KCNMA1: variants seen among roughly 807,000 people sequenced by gnomAD.
The protein encoded by KCNMA1 is potassium calcium-activated channel subfamily M alpha 1.
KCNMA1 carries 29 observed loss-of-function variants against 140.0 expected under a neutral mutation model. The observed-to-expected ratio is 0.21, with a 90% CI of 0.15 to 0.28. The LOEUF (loss-of-function observed/expected upper bound fraction) is 0.28. Ranked by LOEUF, KCNMA1 falls within the 10% of genes least tolerant of loss-of-function variation. KCNMA1 has a pLI of 1.00. For missense variants in KCNMA1, 880 were observed against 1,602.2 expected (o/e 0.55, Z 7.70); for synonymous variants, 612 against 611.9 (o/e 1.00, Z 0.00).
chr10:77,375,973 C>T (rs776946467), intron 2 of KCNMA1, among the ~76,000 whole-genome samples: 12 of 152,226 alleles, frequency 7.9e-5, no homozygotes, highest in Non-Finnish European at 1.6e-4. Flanking sequence ...CCAGCACACT[C>T]AACTTCGTGT....
At chr10:77,568,703 C>T (rs1428998118) in intron 1 of KCNMA1, among the ~76,000 whole-genome samples, 2 of 149,192 alleles carry the variant, frequency 1.3e-5, no homozygotes, top group Non-Finnish European at 3.0e-5. Context: ...CTCACCACTC[C>T]TATTCAACAT....
chr10:77,020,956 T>C (rs571955217), intron 16 of KCNMA1: 2 of 152,214 alleles, frequency 1.3e-5, no homozygotes, highest in South Asian at 4.2e-4. Context: ...CTTTAGAGAA[T>C]TAAGAGAGAT....
At chr10:76,973,538 A>G (rs1057448744) in intron 19 of KCNMA1, among the ~76,000 whole-genome samples, 3 of 152,194 alleles carry the variant, frequency 2.0e-5, no homozygotes, top group African/African-American at 7.2e-5. Flanking sequence ...ATACTTGACT[A>G]AAGAGGATTC....
intron 22 of KCNMA1, among the ~76,000 whole-genome samples, chr10:76,948,028 A>AG (rs2064845954): frequency 6.6e-6 from 1 of 152,044 alleles, no homozygotes; most frequent in Non-Finnish European, 1.5e-5. Context: ...TGTTTGAGGC[A>AG]GGCTCTTGTT....
chr10:77,000,383 G>C (rs1159806890), intron 19 of KCNMA1, among the ~76,000 whole-genome samples: 2 of 152,118 alleles, frequency 1.3e-5, no homozygotes, highest in Non-Finnish European at 2.9e-5. Context: ...TCTCAAACTG[G>C]AGCTTTCAGG....
intron 2 of KCNMA1, among the ~76,000 whole-genome samples, chr10:77,403,353 T>G (rs1433681185): frequency 6.6e-6 from 1 of 151,922 alleles, no homozygotes; most frequent in Non-Finnish European, 1.5e-5. Flanking sequence ...TCAGCATGAC[T>G]GATTTCTACC....
intron 2 of KCNMA1, among the ~76,000 whole-genome samples, chr10:77,332,240 A>AG (rs1430381381): frequency 6.6e-6 from 1 of 152,110 alleles, no homozygotes; most frequent in Non-Finnish European, 1.5e-5. Flanking sequence ...AGGGGATGAG[A>AG]GGGAAAAAAA....
rs2096785442 is a variant in KCNMA1, at chr10:77,090,388, G to C, written c.1334+12C>G. 1.9e-6 allele frequency: 3 copies of C among 1,557,160 alleles called. No homozygotes were observed. The highest frequency in any genetic ancestry group is 2.7e-5 in the African/African-American group (2 of 73,726). On this transcript the variant is annotated intron_variant, in intron 10 of 27. Transcript: ENST00000286628. Reference sequence around the variant, plus strand: ...TTGGGCAGAGGGTCTGACAGCAGTAGGAAGCTCTTACTTGTGAAGAAAAAC... The same window carrying C: ...TTGGGCAGAGGGTCTGACAGCAGTACGAAGCTCTTACTTGTGAAGAAAAAC...
At chr10:77,469,297 G>A (rs190968776) in intron 1 of KCNMA1, among the ~76,000 whole-genome samples, 1 of 152,276 alleles carries the variant, frequency 6.6e-6, no homozygotes, top group Non-Finnish European at 1.5e-5. Context: ...TCTCCTTCCA[G>A]TTTATTGGAG....
intron 18 of KCNMA1, among the ~76,000 whole-genome samples, chr10:77,001,841 C>T (rs953021794): frequency 1.3e-5 from 2 of 152,158 alleles, no homozygotes; most frequent in African/African-American, 4.8e-5. Flanking sequence ...AAAGCGGTGA[C>T]CACAGGAAAA....
intron 2 of KCNMA1, among the ~76,000 whole-genome samples, chr10:77,314,626 A>G (rs1008548473): frequency 3.7e-4 from 56 of 152,214 alleles, no homozygotes; most frequent in Middle Eastern, 3.4e-3. Flanking sequence ...CAGCCCATTC[A>G]TGACCCCTGG....
At position 76,961,096 on chromosome 10, in the gene KCNMA1, C is replaced by A. The variant is rs140537886; in HGVS notation, c.2361-7172G>T. Among the ~76,000 whole-genome samples, 219 of 151,244 alleles carry A rather than the reference C, an allele frequency of 1.4e-3. 3 individuals are homozygous for A. In the East Asian group the frequency reaches 0.035, roughly 24 times the overall value. On this transcript the variant is annotated intron_variant, in intron 20 of 27. Transcript: ENST00000286628. ...ATAAGCTATCACTGCCATAGTGATT[C>A]CTTTGATGAATCTGGGCAAAATAAA... is the stretch of plus-strand genomic sequence containing the variant.
intron 5 of KCNMA1, among the ~76,000 whole-genome samples, chr10:77,126,835 G>A (rs2097753279): frequency 6.6e-6 from 1 of 151,332 alleles, no homozygotes; most frequent in South Asian, 2.1e-4. Flanking sequence ...GGCTTCCCAG[G>A]CAGCTGCAGC....
intron 1 of KCNMA1, among the ~76,000 whole-genome samples, chr10:77,532,598 A>G (rs2057932104): frequency 6.6e-6 from 1 of 152,248 alleles, no homozygotes; most frequent in Non-Finnish European, 1.5e-5. Context: ...AAGAGAAAAC[A>G]TGAACACTAA....
At chr10:77,235,459 A>G (rs1331084822) in intron 3 of KCNMA1, among the ~76,000 whole-genome samples, 2 of 152,224 alleles carry the variant, frequency 1.3e-5, no homozygotes, top group Non-Finnish European at 2.9e-5. Flanking sequence ...AACAAGGCAC[A>G]GGAAAAGTCC....
chr10:77,580,380 CAAAA>C (rs35626401), intron 1 of KCNMA1, among the ~76,000 whole-genome samples: 5 of 95,522 alleles, frequency 5.2e-5, no homozygotes, highest in Admixed American at 1.1e-4. Flanking sequence ...GACTCCATCT[CAAAA>C]AAAAAAAAAA....
At chr10:77,056,369 G>T (rs901743871) in intron 14 of KCNMA1, among the ~76,000 whole-genome samples, 3 of 151,914 alleles carry the variant, frequency 2.0e-5, no homozygotes, top group Admixed American at 1.3e-4. Context: ...GACAGAGTGA[G>T]ACTCCATCTC....
chr10:77,537,979 A>G (rs2059294666), intron 1 of KCNMA1, among the ~76,000 whole-genome samples: 1 of 151,906 alleles, frequency 6.6e-6, no homozygotes, highest in South Asian at 2.1e-4. Context: ...ATACACACGC[A>G]CATACACACA....
chr10:77,498,921 C>A (rs2042848278), intron 1 of KCNMA1: 2 of 152,226 alleles, frequency 1.3e-5, no homozygotes, highest in Admixed American at 6.5e-5. Context: ...GTCCTGGCCC[C>A]CAGTCAGTAC....
Sources: gnomAD v4.1 joint callset for allele counts (sites outside exome capture counted in the v4.1 genomes callset) on GRCh38, gnomAD v4.1.1 for gene constraint, MANE v1.5 for transcripts, NCBI Gene and HGNC (gene_info 2026-07-23, HGNC 2026-07-21) for gene names.